Variants in LARGE1 observed in about 807,000 individuals in gnomAD.
The protein encoded by LARGE1 is xylosyl- and glucuronyltransferase LARGE1.
Under a neutral mutation model 87.6 loss-of-function variants are expected in LARGE1, and 43 were observed. The ratio of observed to expected loss-of-function variants is 0.49; its 90% CI spans 0.38 to 0.63. The LOEUF (loss-of-function observed/expected upper bound fraction) is 0.63, where lower values mean the gene tolerates loss of function less well. LARGE1 is among the 30% of genes least tolerant of loss of function. The pLI is 0.00. For synonymous variants in LARGE1, 434 were observed against 394.6 expected (o/e 1.10, Z -1.18); for missense variants, 802 against 1,000.2 (o/e 0.80, Z 2.67).
intron 1 of LARGE1, among the ~76,000 whole-genome samples, chr22:33,816,701 C>CAGAG (rs1569457227): frequency 1.3e-5 from 1 of 75,156 alleles, no homozygotes; most frequent in Non-Finnish European, 3.6e-5. Flanking sequence ...GACAGACAGA[C>CAGAG]AGACAGACAG....
At chr22:33,305,456 A>G (rs1934754249) in intron 11 of LARGE1, 1 of 285,502 alleles carries the variant, frequency 3.5e-6, no homozygotes, top group South Asian at 1.3e-4. Context: ...TTTCTTTCAA[A>G]GGCGTTAGAA....
At chr22:33,305,227 C>G (rs757942113) in intron 11 of LARGE1, among the ~76,000 whole-genome samples, 3 of 151,924 alleles carry the variant, frequency 2.0e-5, no homozygotes, top group Non-Finnish European at 4.4e-5. Flanking sequence ...CAAAAGTCTA[C>G]CTGGGGTGAT....
At chr22:33,831,364 C>A (rs1435919963) in intron 1 of LARGE1, among the ~76,000 whole-genome samples, 1 of 152,210 alleles carries the variant, frequency 6.6e-6, no homozygotes, top group Admixed American at 6.5e-5. Context: ...CATGCACCCC[C>A]CCTCTGCTTT....
intron 10 of LARGE1, among the ~76,000 whole-genome samples, chr22:33,327,742 A>G (rs927204203): frequency 3.9e-5 from 6 of 152,066 alleles, no homozygotes; most frequent in Non-Finnish European, 8.8e-5. Flanking sequence ...AGGTCTCACT[A>G]TGGTGCCTGG....
chr22:33,213,437 C>T (rs529811586), intron 11 of LARGE1, among the ~76,000 whole-genome samples: 1 of 152,178 alleles, frequency 6.6e-6, no homozygotes, highest in Non-Finnish European at 1.5e-5. Flanking sequence ...GTGGATAAAA[C>T]GCTATCAAAC....
chr22:33,657,669 G>C (rs1023130946), intron 2 of LARGE1, among the ~76,000 whole-genome samples: 3 of 152,010 alleles, frequency 2.0e-5, no homozygotes, highest in Non-Finnish European at 4.4e-5. Context: ...TCCTGGGCTA[G>C]TCCCCCTGCC....
chr22:33,510,182 A>C lies in LARGE1; in HGVS notation c.787+54666T>G, dbSNP rs538210280. Among the ~76,000 whole-genome samples the C allele has an allele frequency of 2.6e-5, 4 of 152,352 alleles. No individual in the cohort carries two copies. The South Asian group carries it at 8.3e-4, about 32-fold the overall frequency. ...TAGTAACTACATTTATTAGGCACCGACCATGCACGAAGCAGTCTAAACATG... is the reference window on the plus strand; with the variant it reads ...TAGTAACTACATTTATTAGGCACCGCCCATGCACGAAGCAGTCTAAACATG... On this transcript the variant is annotated intron_variant, in intron 6 of 14. Transcript: ENST00000397394.
chr22:33,398,724 G>A (rs993890917), intron 7 of LARGE1, among the ~76,000 whole-genome samples: 2 of 152,174 alleles, frequency 1.3e-5, no homozygotes, highest in Admixed American at 6.5e-5. Flanking sequence ...GGTCATAGTG[G>A]ATTAGAGTAG....
At chr22:33,660,391 A>G (rs2081088783) in intron 2 of LARGE1, among the ~76,000 whole-genome samples, 1 of 152,156 alleles carries the variant, frequency 6.6e-6, no homozygotes, top group African/African-American at 2.4e-5. Flanking sequence ...CCGTCATTGG[A>G]GGGTAATGAT....
downstream of LARGE1, among the ~76,000 whole-genome samples, chr22:33,161,879 A>C (rs1208470380): frequency 6.6e-6 from 1 of 152,194 alleles, no homozygotes; most frequent in Non-Finnish European, 1.5e-5. Context: ...AAATGCTTCC[A>C]GTCTGTTTGC....
At chr22:33,861,995 A>G (rs2063940034) in intron 1 of LARGE1, among the ~76,000 whole-genome samples, 1 of 150,688 alleles carries the variant, frequency 6.6e-6, no homozygotes, top group Non-Finnish European at 1.5e-5. Flanking sequence ...AGTAGCTGGG[A>G]TTACAGGCAC....
At chr22:33,586,280 A>G (rs1029673360) in intron 5 of LARGE1, among the ~76,000 whole-genome samples, 6 of 152,166 alleles carry the variant, frequency 3.9e-5, no homozygotes, top group South Asian at 2.1e-4. Flanking sequence ...CAAAGCCTCT[A>G]TAAGTTTGTG....
intron 6 of LARGE1, among the ~76,000 whole-genome samples, chr22:33,514,952 T>C (rs555721507): frequency 1.3e-4 from 20 of 152,294 alleles, no homozygotes; most frequent in African/African-American, 4.3e-4. Flanking sequence ...AACCAGGCAC[T>C]GTGCTAAGCG....
the LARGE1 span, among the ~76,000 whole-genome samples, chr22:33,104,722 G>T: frequency 6.6e-6 from 1 of 152,162 alleles, no homozygotes. Flanking sequence ...GCAGGCATTT[G>T]CAGAGACCTC....
intron 12 of LARGE1, among the ~76,000 whole-genome samples, chr22:33,292,060 C>G (rs1932690492): frequency 6.6e-6 from 1 of 152,170 alleles, no homozygotes; most frequent in Non-Finnish European, 1.5e-5. Context: ...TGCCACTGTA[C>G]TCCAGTCTGG....
chr22:33,538,030 G>C (rs1185601542), intron 6 of LARGE1, among the ~76,000 whole-genome samples: 1 of 152,184 alleles, frequency 6.6e-6, no homozygotes, highest in Non-Finnish European at 1.5e-5. Context: ...TTGCAGGCCT[G>C]CTTCCGGTGA....
the LARGE1 span, among the ~76,000 whole-genome samples, chr22:33,127,350 A>C: frequency 1.3e-5 from 2 of 152,074 alleles, no homozygotes; most frequent in Non-Finnish European, 2.9e-5. Context: ...GTGTGTCTCA[A>C]TGGGAACATA....
At chr22:33,193,500 T>C (rs1923898128) in intron 11 of LARGE1, among the ~76,000 whole-genome samples, 1 of 152,172 alleles carries the variant, frequency 6.6e-6, no homozygotes, top group Non-Finnish European at 1.5e-5. Context: ...TACAGTGCAT[T>C]ACACATCTGG....
chr22:33,417,130 C>T (rs971583540), intron 7 of LARGE1, among the ~76,000 whole-genome samples: 1 of 151,874 alleles, frequency 6.6e-6, no homozygotes, highest in Non-Finnish European at 1.5e-5. Flanking sequence ...TGCTCTCTAT[C>T]TCTTGACCTC....
Sources: allele counts gnomAD v4.1 joint callset (sites outside exome capture counted in the v4.1 genomes callset), GRCh38; gene constraint gnomAD v4.1.1; transcripts MANE v1.5; gene names NCBI Gene and HGNC (gene_info 2026-07-23, HGNC 2026-07-21).